CPEB3: variants seen among roughly 807,000 people sequenced by gnomAD.
CPEB3 encodes the protein cytoplasmic polyadenylation element binding protein 3.
Under a neutral mutation model 67.2 loss-of-function variants are expected in CPEB3, and 20 were observed. That is an observed-to-expected ratio of 0.30 (90% CI 0.21 to 0.43). CPEB3 has a LOEUF of 0.43. Among genes scored for constraint, CPEB3 ranks in the 20% least tolerant of loss-of-function variants. The pLI, the probability that CPEB3 is intolerant of heterozygous loss-of-function variation, is 1.00. For synonymous variants in CPEB3, 376 were observed against 393.1 expected (o/e 0.96, Z 0.51); for missense variants, 746 against 968.6 (o/e 0.77, Z 3.05).
At chr10:92,286,586 A>C (rs1842536459) in intron 1 of CPEB3, among the ~76,000 whole-genome samples, 1 of 151,158 alleles carries the variant, frequency 6.6e-6, no homozygotes, top group Non-Finnish European at 1.5e-5. Flanking sequence ...CTCTATCTAA[A>C]AAAAAAAAAA....
intron 3 of CPEB3, among the ~76,000 whole-genome samples, chr10:92,181,367 C>CAAAAAAAAAAAAAAAAAAAAAAAAAAAAA (rs55896574): frequency 1.0e-5 from 1 of 95,404 alleles, no homozygotes; most frequent in Non-Finnish European, 2.1e-5. Flanking sequence ...ATTCAAGCAG[C>CAAAAAAAAAAAAAAAAAAAAAAAAAAAAA]AAAAAAAAAA....
At chr10:92,231,230 A>G (rs1014861967) in intron 2 of CPEB3, among the ~76,000 whole-genome samples, 3 of 152,142 alleles carry the variant, frequency 2.0e-5, no homozygotes, top group Admixed American at 6.6e-5. Context: ...CCTAATATAC[A>G]AAGTGCCTTT....
intron 1 of CPEB3, among the ~76,000 whole-genome samples, chr10:92,272,580 A>G (rs916798583): frequency 3.9e-5 from 6 of 152,146 alleles, no homozygotes; most frequent in Non-Finnish European, 7.3e-5. Flanking sequence ...TTCTATCCTT[A>G]TAAGTGTCTT....
intron 7 of CPEB3, among the ~76,000 whole-genome samples, chr10:92,093,408 G>A (rs1386715023): frequency 1.3e-5 from 2 of 152,244 alleles, no homozygotes; most frequent in East Asian, 3.9e-4. Flanking sequence ...ATACCCAGGA[G>A]TACTTCCACT....
At chr10:92,218,133 G>A (rs1442790140) in intron 2 of CPEB3, among the ~76,000 whole-genome samples, 1 of 152,102 alleles carries the variant, frequency 6.6e-6, no homozygotes, top group Non-Finnish European at 1.5e-5. Flanking sequence ...ACAAGGCCGG[G>A]CACAGTGGCT....
At chr10:92,103,836 C>T (rs1844307284) in intron 7 of CPEB3, among the ~76,000 whole-genome samples, 1 of 152,180 alleles carries the variant, frequency 6.6e-6, no homozygotes, top group Non-Finnish European at 1.5e-5. Flanking sequence ...CAACTTTGTC[C>T]AATGTCTATA....
intron 9 of CPEB3, among the ~76,000 whole-genome samples, chr10:92,066,392 T>C (rs1012744158): frequency 1.3e-5 from 2 of 148,778 alleles, no homozygotes; most frequent in Non-Finnish European, 2.9e-5. Flanking sequence ...CAAAAATAAA[T>C]AGATAGACAG....
chr10:92,256,946 T>C (rs1395118494), intron 1 of CPEB3, among the ~76,000 whole-genome samples: 1 of 152,212 alleles, frequency 6.6e-6, no homozygotes, highest in East Asian at 1.9e-4. Context: ...GCCTAAAACA[T>C]AGAGATACTG....
At chr10:92,095,597 TA>T (rs1178054376) in intron 7 of CPEB3, among the ~76,000 whole-genome samples, 90 of 82,252 alleles carry the variant, frequency 1.1e-3, no homozygotes, top group East Asian at 7.1e-3. Flanking sequence ...TATATATATA[TA>T]TATTTTTTTT....
intron 2 of CPEB3, chr10:92,216,825 T>G: frequency 6.3e-7 from 1 of 1,599,870 alleles, no homozygotes; most frequent in Non-Finnish European, 8.6e-7. Flanking sequence ...CACCTGCCGC[T>G]GGAAGCTACT....
chr10:92,250,724 C>A (rs1852256527), intron 1 of CPEB3, among the ~76,000 whole-genome samples: 1 of 152,060 alleles, frequency 6.6e-6, no homozygotes, highest in African/African-American at 2.4e-5. Flanking sequence ...GAGTCTCACT[C>A]TGTTGCCCAG....
chr10:92,278,572 T>C (rs1842103165), intron 1 of CPEB3, among the ~76,000 whole-genome samples: 1 of 151,854 alleles, frequency 6.6e-6, no homozygotes, highest in African/African-American at 2.4e-5. Context: ...GCTTATATCC[T>C]ACAACTTTGC....
At chr10:92,267,823 G>C (rs1216778280) in intron 1 of CPEB3, among the ~76,000 whole-genome samples, 1 of 152,060 alleles carries the variant, frequency 6.6e-6, no homozygotes, top group African/African-American at 2.4e-5. Context: ...CCTATAAAAT[G>C]TATTTATTTA....
At chr10:92,206,563 T>C (rs1474413439) in intron 2 of CPEB3, among the ~76,000 whole-genome samples, 1 of 152,148 alleles carries the variant, frequency 6.6e-6, no homozygotes, top group Non-Finnish European at 1.5e-5. Flanking sequence ...TTAAGGCACA[T>C]GCCAACACAC....
chr10:92,280,710 C>T (rs1419904905), intron 1 of CPEB3, among the ~76,000 whole-genome samples: 1 of 148,584 alleles, frequency 6.7e-6, no homozygotes, highest in Non-Finnish European at 1.5e-5. Flanking sequence ...AAATAAATCC[C>T]TGATCTATAT....
At chr10:92,219,130 T>C (rs531991080) in intron 2 of CPEB3, among the ~76,000 whole-genome samples, 1 of 152,316 alleles carries the variant, frequency 6.6e-6, no homozygotes, top group Admixed American at 6.5e-5. Flanking sequence ...GTTTTGAACT[T>C]GCTTATGACA....
chr10:92,160,971 C>A (rs377015928), intron 4 of CPEB3, among the ~76,000 whole-genome samples: 31 of 152,300 alleles, frequency 2.0e-4, no homozygotes, highest in African/African-American at 4.8e-4. Flanking sequence ...CTCACCGCAA[C>A]CTCTGCCTCA....
intron 2 of CPEB3, among the ~76,000 whole-genome samples, chr10:92,213,550 CAACAGGCA>C (rs1850197409): frequency 2.0e-5 from 3 of 152,154 alleles, no homozygotes; most frequent in Non-Finnish European, 4.4e-5. Flanking sequence ...AATGTAGAAA[CAACAGGCA>C]TAATATATCA....
intron 4 of CPEB3, among the ~76,000 whole-genome samples, chr10:92,158,786 T>C (rs1234001706): frequency 1.3e-5 from 2 of 152,224 alleles, no homozygotes; most frequent in East Asian, 3.8e-4. Flanking sequence ...AAAGGTTTTC[T>C]TCCTCTTTAA....
Sources: gnomAD v4.1 joint callset for allele counts (sites outside exome capture counted in the v4.1 genomes callset) on GRCh38, gnomAD v4.1.1 for gene constraint, MANE v1.5 for transcripts, NCBI Gene and HGNC (gene_info 2026-07-23, HGNC 2026-07-21) for gene names.